The following CELSR1 variants were observed in gnomAD, a reference collection of about 807,000 sequenced individuals.
The protein encoded by CELSR1 is adhesion G protein-coupled receptor C1.
In CELSR1, 110 loss-of-function variants were observed where a neutral mutation model predicts 249.1. The ratio of observed to expected loss-of-function variants is 0.44; its 90% CI spans 0.38 to 0.52. The LOEUF (loss-of-function observed/expected upper bound fraction) is 0.52, where lower values mean the gene tolerates loss of function less well. Among genes scored for constraint, CELSR1 ranks in the 20% least tolerant of loss-of-function variants. The pLI is 0.00. For synonymous variants in CELSR1, 2,113 were observed against 1,900.0 expected, an observed-to-expected ratio of 1.11 and a Z score of -2.92; for missense variants, 4,109 against 4,296.4, an observed-to-expected ratio of 0.96 and a Z score of 1.22.
rs553897336 is a variant in CELSR1, at chr22:46,516,386, T to C, written c.3544+17241A>G. ...AAAACCAAACACCGCATGTTCTCAC[T>C]CATAGGTGGGAACTGAACAATGAGA... On this transcript the variant is annotated intron_variant, in intron 1 of 34. Coordinates refer to ENST00000674500, the MANE Select transcript of CELSR1 (RefSeq NM_001378328.1). 4.0e-5 allele frequency among the ~76,000 whole-genome samples: 6 copies of C among 151,790 alleles called. No individual in the cohort carries two copies. In the East Asian group the frequency reaches 9.7e-4, roughly 24 times the overall value.
chr22:46,462,886 T>C (rs1244539968), intron 2 of CELSR1: 1 of 467,604 alleles, frequency 2.1e-6, no homozygotes, highest in East Asian at 7.1e-5. Context: ...GGAAAGAGCA[T>C]CTTCAGAGGC....
chr22:46,509,781 C>G (rs369923135), intron 1 of CELSR1, among the ~76,000 whole-genome samples: 6 of 152,024 alleles, frequency 3.9e-5, no homozygotes, highest in Admixed American at 3.3e-4. Context: ...GAGGGGATGG[C>G]TGTGGGGGTC....
chr22:46,499,187 A>C (rs1602214966), intron 1 of CELSR1, among the ~76,000 whole-genome samples: 1 of 1,844 alleles, frequency 5.4e-4, no homozygotes. Context: ...TGCAAATCTA[A>C]AAAAAAAAAA....
Position 46,365,296 on chromosome 22 carries a change from T to TC in CELSR1, c.8488dup (p.Asp2830GlyfsTer7). On this transcript the variant is annotated frameshift_variant, in exon 32 of 35. Coordinates refer to ENST00000674500, the MANE Select transcript of CELSR1 (RefSeq NM_001378328.1). LOFTEE classifies it high-confidence loss of function. ...TTTTTCCTCAGCTCCCACCCCATCGTCCTCGCTGTCTGACGAGTGTGAGGA... is the reference window on the plus strand; with the variant it reads ...TTTTTCCTCAGCTCCCACCCCATCGTCCCTCGCTGTCTGACGAGTGTGAGGA... 1 of 1,612,960 alleles carries TC rather than the reference T, an allele frequency of 6.2e-7. No homozygotes were observed. The highest frequency in any genetic ancestry group is 8.5e-7 in the Non-Finnish European group (1 of 1,179,964).
At chr22:46,375,916 A>G (rs1469419234) in intron 24 of CELSR1, among the ~76,000 whole-genome samples, 1 of 152,190 alleles carries the variant, frequency 6.6e-6, no homozygotes, top group Non-Finnish European at 1.5e-5. Context: ...TTACCTAATA[A>G]TGACAGCTTT....
At position 46,536,681 on chromosome 22, in the gene CELSR1, G is replaced by C; in HGVS notation, c.490C>G (p.Pro164Ala). 2 of 1,170,170 alleles carry C rather than the reference G, an allele frequency of 1.7e-6. No individual in the cohort carries two copies. Among genetic ancestry groups the C allele is most frequent in the Non-Finnish European group, 1.1e-6 (1 of 950,062 alleles). The allele number at this position is 1,170,170 out of a possible 1,614,324, so 72.5% of individuals were successfully genotyped here. A position where few individuals can be genotyped will look rare whatever the true frequency, so the allele number is the denominator to read the frequency against. Residue 164 changes from proline (P) to alanine (A), a missense_variant, in exon 1 of 35, where the codon CCC (proline) becomes GCC (alanine). Pro to Ala is a conservative substitution (Grantham distance 27, BLOSUM62 -1). Around this residue, in one of 7 missense-constraint regions of CELSR1, gnomAD observed 673 missense variants for 636.8 expected, o/e 1.06. Transcript: ENST00000674500. Reference protein sequence around the residue: ...PACRCPPRPRPRCPGRPICLP... With the variant: ...PACRCPPRPRARCPGRPICLP... ...CAGATGGGACGGCCGGGACAGCGGG[G>C]CCTGGGGCGCGGCGGGCAGCGGCAG...
At chr22:46,438,411 C>T (rs2079693189) in intron 3 of CELSR1, among the ~76,000 whole-genome samples, 1 of 152,196 alleles carries the variant, frequency 6.6e-6, no homozygotes, top group African/African-American at 2.4e-5. Context: ...GGGCCCTGCC[C>T]ACAGCCCCCA....
chr22:46,382,339 G>A (rs901531298), intron 20 of CELSR1, among the ~76,000 whole-genome samples: 9 of 152,058 alleles, frequency 5.9e-5, no homozygotes, highest in South Asian at 2.1e-4. Context: ...GTGCAGTGGC[G>A]CCATCTCGGC....
At chr22:46,449,588 T>TA (rs1336663470) in intron 2 of CELSR1, among the ~76,000 whole-genome samples, 5 of 152,200 alleles carry the variant, frequency 3.3e-5, no homozygotes, top group African/African-American at 1.2e-4. Flanking sequence ...CGTGGGCCAT[T>TA]CTTTAGGCAG....
At chr22:46,369,592 G>T (rs1237081431) in intron 26 of CELSR1, 100 bp downstream of exon 26, 2 of 1,074,232 alleles carry the variant, frequency 1.9e-6, no homozygotes, top group Admixed American at 2.1e-5. Context: ...GCCCCCCGTC[G>T]GCTGCTCAGA....
intron 1 of CELSR1, among the ~76,000 whole-genome samples, chr22:46,498,103 C>G (rs2080430374): frequency 6.6e-6 from 1 of 151,020 alleles, no homozygotes; most frequent in Non-Finnish European, 1.5e-5. Flanking sequence ...ACAAAATTAG[C>G]TGGGTGTGGT....
chr22:46,514,697 G>A (rs1483480715), intron 1 of CELSR1, among the ~76,000 whole-genome samples: 2 of 152,134 alleles, frequency 1.3e-5, no homozygotes, highest in African/African-American at 4.8e-5. Context: ...AGGGAGCCGG[G>A]GCTGCAGGGC....
intron 5 of CELSR1, among the ~76,000 whole-genome samples, chr22:46,424,318 A>G (rs2079513674): frequency 6.6e-6 from 1 of 152,018 alleles, no homozygotes; most frequent in African/African-American, 2.4e-5. Context: ...GGCTCAAGCA[A>G]TCCTCCCACC....
intron 2 of CELSR1, among the ~76,000 whole-genome samples, chr22:46,458,490 G>A (rs1325460173): frequency 2.0e-5 from 3 of 152,218 alleles, no homozygotes; most frequent in Non-Finnish European, 2.9e-5. Flanking sequence ...GGGAGGCAGC[G>A]TCATTAGGTC....
Position 46,441,318 on chromosome 22 carries a change from T to G in CELSR1, c.4184-1907A>C, listed in dbSNP as rs1011176742. 6.6e-6 allele frequency among the ~76,000 whole-genome samples: 1 copy of G among 152,024 alleles called. No homozygotes were observed. The highest frequency in any genetic ancestry group is 1.5e-5 in the Non-Finnish European group (1 of 68,012). On this transcript the variant is annotated intron_variant, in intron 2 of 34. Coordinates refer to ENST00000674500, the MANE Select transcript of CELSR1 (RefSeq NM_001378328.1). The surrounding 1 kb of genome is among the most constrained non-coding windows in gnomAD (Gnocchi z 6.1). Reference sequence around the variant, plus strand: ...TGGGATGGCTCCACGATGGGCCCTTTGGACAGGCACCTGCAATGTCCCCCC... The same window carrying G: ...TGGGATGGCTCCACGATGGGCCCTTGGGACAGGCACCTGCAATGTCCCCCC...
chr22:46,404,117 A>AT (rs2079238761), intron 9 of CELSR1, among the ~76,000 whole-genome samples: 1 of 152,158 alleles, frequency 6.6e-6, no homozygotes, highest in Non-Finnish European at 1.5e-5. Context: ...ATTTACTAGA[A>AT]AATGCTACAT....
In CELSR1 at chr22:46,395,824, T is replaced by C. The variant is rs1314943552; in HGVS notation, c.5843+781A>G. 6.6e-6 allele frequency among the ~76,000 whole-genome samples: 1 copy of C among 152,176 alleles called. No homozygotes were observed. Among genetic ancestry groups the C allele is most frequent in the Non-Finnish European group, 1.5e-5 (1 of 68,032 alleles). On this transcript the variant is annotated intron_variant, in intron 13 of 34. Coordinates refer to ENST00000674500, the MANE Select transcript of CELSR1 (RefSeq NM_001378328.1). The surrounding 1 kb of genome is among the most constrained non-coding windows in gnomAD (Gnocchi z 5.5). ...AGCTCCACCTTGGACAAAGTGACGC[T>C]TGTGATGACTACGCACCTGTACCCA...
rs761938720 is a variant in CELSR1, at chr22:46,534,124, G to A, written c.3047C>T (p.Ser1016Leu). The A allele has an allele frequency of 1.9e-5, 30 of 1,613,586 alleles. No individual in the cohort carries two copies. In the African/African-American group the frequency reaches 2.0e-4, roughly 11 times the overall value. Residue 1016 changes from serine (S) to leucine (L), a missense_variant, in exon 1 of 35, where the codon TCG becomes TTG. Ser to Leu is a moderately radical substitution (Grantham distance 145). Coordinates refer to ENST00000674500, the MANE Select transcript of CELSR1 (RefSeq NM_001378328.1). The surrounding 1 kb of genome is among the most constrained non-coding windows in gnomAD (Gnocchi z 9.7). ...GTTAGCACGAATCTTTGCCACCACC[G>A]ACCCCACTGGGTTGTTCTCCTCAAC... ...LFVEENNPVG[S>L]VVAKIRANDP...
rs2078800016 is a variant in CELSR1 at position 46,367,588 on chromosome 22, T to C, written c.8079+141A>G. ...CGTGCCGGCTGCACAAGGGACTGAG[T>C]CCTCACAGCCACAGGAGGCCCCCAC... On this transcript the variant is annotated intron_variant, in intron 28 of 34. Transcript: ENST00000674500. The C allele has an allele frequency of 3.4e-6, 4 of 1,186,482 alleles. No individual in the cohort carries two copies. The East Asian group carries it at 1.0e-4, about 31-fold the overall frequency. 73.5% of individuals were successfully genotyped at this position (1,186,482 alleles called of 1,614,324 possible). A position where few individuals can be genotyped will look rare whatever the true frequency, so the allele number is the denominator to read the frequency against.
Sources: allele counts gnomAD v4.1 joint callset (sites outside exome capture counted in the v4.1 genomes callset), GRCh38; gene constraint gnomAD v4.1.1; regional missense constraint gnomAD v4.1.1; non-coding constraint Gnocchi (gnomAD v3.1); transcripts MANE v1.5; gene names NCBI Gene and HGNC (gene_info 2026-07-23, HGNC 2026-07-21).